The following STARD3 variants were observed in gnomAD, a reference collection of about 807,000 sequenced individuals.
STARD3 encodes the protein stAR-related lipid transfer protein 3.
STARD3 carries 39 observed loss-of-function variants against 62.0 expected under a neutral mutation model. The observed-to-expected ratio is 0.63, with a 90% CI of 0.49 to 0.82. The LOEUF (loss-of-function observed/expected upper bound fraction) is 0.82, where lower values mean the gene tolerates loss of function less well. STARD3 is among the 40% of genes least tolerant of loss of function. The pLI is 0.00. For synonymous variants in STARD3, 229 were observed against 242.4 expected, an observed-to-expected ratio of 0.94 and a Z score of 0.51; for missense variants, 543 against 584.5, an observed-to-expected ratio of 0.93 and a Z score of 0.73.
chr17:39,658,974 C>T, intron 7 of STARD3, 77 bp from the exon 8 acceptor site: 5 of 1,593,108 alleles, frequency 3.1e-6, no homozygotes, highest in South Asian at 2.2e-5. Context: ...TCCTTGCACT[C>T]ACATACCCGA....
At chr17:39,640,404 GAA>G (rs1330147130) in intron 1 of STARD3, among the ~76,000 whole-genome samples, 4 of 152,166 alleles carry the variant, frequency 2.6e-5, no homozygotes, top group African/African-American at 4.8e-5. Flanking sequence ...TGGGACAAAA[GAA>G]AAGTGTCCCT....
At chr17:39,662,367 G>A (rs2145054991) in intron 14 of STARD3, 23 bp downstream of exon 14, 2 of 1,609,730 alleles carry the variant, frequency 1.2e-6, no homozygotes, top group East Asian at 4.5e-5. Context: ...GGGGCTGCCA[G>A]GTGGGTTCTG....
intron 2 of STARD3, 112 bp downstream of exon 2, chr17:39,653,862 A>G: frequency 3.3e-6 from 4 of 1,215,484 alleles, no homozygotes; most frequent in East Asian, 2.5e-5. Flanking sequence ...TTAGCTGGGT[A>G]AAATGAAGAC....
At position 39,657,814 on chromosome 17, in the gene STARD3, T is replaced by C; in HGVS notation, c.337T>C (p.Tyr113His). Residue 113 changes from tyrosine to histidine, a missense_variant, in exon 4 of 15, where the codon TAT becomes CAT. By Grantham distance (83) the Tyr-to-His change is moderately conservative (BLOSUM62 2). Transcript: ENST00000336308. Reference protein sequence around the residue: ...FFRFSGLLLGYAVLRLRHWWV... With the variant: ...FFRFSGLLLGHAVLRLRHWWV... Reference sequence around the variant, plus strand: ...CCGCTTCTCTGGACTGCTCCTAGGCTATGCCGTGCTGCGGCTCCGGCACTG... The same window carrying C: ...CCGCTTCTCTGGACTGCTCCTAGGCCATGCCGTGCTGCGGCTCCGGCACTG... 6.2e-7 allele frequency: 1 copy of C among 1,614,218 alleles called. No individual in the cohort carries two copies. Among genetic ancestry groups the C allele is most frequent in the Non-Finnish European group, 8.5e-7 (1 of 1,180,032 alleles).
Position 39,662,803 on chromosome 17 carries a change from G to T in STARD3, c.1234-1G>T. ...TGTGACTTCTGCCTGCCTTCCCCCAGGGCCGCCTGCCCCGGTACCTCATCC... is the reference window on the plus strand; with the variant it reads ...TGTGACTTCTGCCTGCCTTCCCCCATGGCCGCCTGCCCCGGTACCTCATCC... On this transcript the variant is annotated splice_acceptor_variant, in intron 14 of 14. Transcript: ENST00000336308. LOFTEE classifies it high-confidence loss of function. 1 of 1,607,262 alleles carries T rather than the reference G, an allele frequency of 6.2e-7. No individual in the cohort carries two copies. The highest frequency in any genetic ancestry group is 8.5e-7 in the Non-Finnish European group (1 of 1,176,964).
At chr17:39,661,434 G>A (rs2057197051) in intron 13 of STARD3, 2 of 270,394 alleles carry the variant, frequency 7.4e-6, no homozygotes, top group South Asian at 1.1e-4. Flanking sequence ...CTATGCTCTG[G>A]GTTTCATCTT....
At chr17:39,642,085 G>T (rs2056987099) in intron 1 of STARD3, among the ~76,000 whole-genome samples, 1 of 152,236 alleles carries the variant, frequency 6.6e-6, no homozygotes, top group Non-Finnish European at 1.5e-5. Context: ...AAGGAAGGAG[G>T]TCATTCAAGA....
chr17:39,640,802 G>C (rs1013157683), intron 1 of STARD3, among the ~76,000 whole-genome samples: 1 of 150,792 alleles, frequency 6.6e-6, no homozygotes, highest in African/African-American at 2.4e-5. Flanking sequence ...CACTGCACCC[G>C]CAGAGCCTCC....
At chr17:39,642,502 A>G (rs970285177) in intron 1 of STARD3, among the ~76,000 whole-genome samples, 8 of 152,148 alleles carry the variant, frequency 5.3e-5, no homozygotes, top group African/African-American at 1.7e-4. Flanking sequence ...GTGCTGCTGT[A>G]GGGAAGGGTG....
intron 1 of STARD3, among the ~76,000 whole-genome samples, chr17:39,637,723 C>G (rs540518293): frequency 1.2e-4 from 19 of 152,234 alleles, no homozygotes; most frequent in African/African-American, 4.6e-4. Context: ...GTGCATAGTA[C>G]CATTGACACT....
rs371137052 is a variant in STARD3, at chr17:39,662,929, C to T, written c.*21C>T. ...CGTGACTGTGCCCCCTCCCACCCTG[C>T]GGGCCAGGGTCCTGTCGCCACCACT... is the stretch of plus-strand genomic sequence containing the variant. On this transcript the variant is annotated 3_prime_UTR_variant, in exon 15 of 15. Coordinates refer to ENST00000336308, the MANE Select transcript of STARD3 (RefSeq NM_006804.4). The T allele has an allele frequency of 5.5e-5, 88 of 1,596,570 alleles. No individual in the cohort carries two copies. Among genetic ancestry groups the T allele is most frequent in the Admixed American group, 1.0e-4 (6 of 58,670 alleles).
In STARD3 at chr17:39,662,318, G is replaced by A. The variant is rs1025898277; in HGVS notation, c.1207G>A (p.Val403Ile). The A allele has an allele frequency of 1.2e-6, 2 of 1,613,930 alleles. No homozygotes were observed. Among genetic ancestry groups the A allele is most frequent in the African/African-American group, 2.7e-5 (2 of 74,898 alleles). ...CAGTAACCCCCGTGTTTGCACCTTT[G>A]TCTGGATTCTTAATACAGATCTCAA... The part of the protein sequence containing the change: ...SASNPRVCTF[V>I]WILNTDLKGR... The change falls in exon 14 of 15, where the codon GTC becomes ATC. Residue 403 changes from valine (V) to isoleucine (I), a missense_variant. Physicochemically the swap from Val to Ile is conservative, Grantham distance 29. Coordinates refer to ENST00000336308, the MANE Select transcript of STARD3 (RefSeq NM_006804.4).
At chr17:39,650,297 G>A (rs189826960) in intron 1 of STARD3, among the ~76,000 whole-genome samples, 18 of 152,266 alleles carry the variant, frequency 1.2e-4, no homozygotes, top group South Asian at 6.2e-4. Context: ...ACCGGTCGGC[G>A]TTTGTGGCTA....
chr17:39,656,903 C>G, intron 2 of STARD3, 105 bp from the exon 3 acceptor site: 1 of 1,108,618 alleles, frequency 9.0e-7, no homozygotes, highest in Non-Finnish European at 1.3e-6. Flanking sequence ...AACAGCCTCC[C>G]CTCCAGGTTC....
intron 2 of STARD3, among the ~76,000 whole-genome samples, chr17:39,654,522 C>G (rs1327579606): frequency 6.6e-6 from 1 of 152,014 alleles, no homozygotes; most frequent in Non-Finnish European, 1.5e-5. Flanking sequence ...TGCCCCACCC[C>G]CACCCCACGC....
rs1405960146 is a variant in STARD3, at chr17:39,659,243, C to G, written c.702+137C>G. ...GGCAATGCCCATCCGAGTGTCTCCC[C>G]CACCACCAGTCCGGCCCCCCTGGTC... On this transcript the variant is annotated intron_variant, in intron 8 of 14. Coordinates refer to ENST00000336308, the MANE Select transcript of STARD3 (RefSeq NM_006804.4). 7.6e-6 allele frequency: 9 copies of G among 1,188,194 alleles called. No homozygotes were observed. In the East Asian group the frequency reaches 1.9e-4, roughly 25 times the overall value. The allele number at this position is 1,188,194 out of a possible 1,614,324, so 73.6% of individuals were successfully genotyped here.
At chr17:39,657,661 G>A in intron 3 of STARD3, 114 bp from the exon 4 acceptor site, 3 of 1,068,150 alleles carry the variant, frequency 2.8e-6, no homozygotes, top group South Asian at 2.7e-5. Context: ...TGTCCCCTGA[G>A]GTGTGCATGC....
intron 13 of STARD3, among the ~76,000 whole-genome samples, chr17:39,661,705 C>A (rs1014744175): frequency 2.0e-5 from 3 of 152,212 alleles, no homozygotes; most frequent in Non-Finnish European, 4.4e-5. Flanking sequence ...ATGCCAGGCT[C>A]TGCTTTGGGC....
chr17:39,643,674 C>G (rs2056999955), intron 1 of STARD3, among the ~76,000 whole-genome samples: 1 of 152,176 alleles, frequency 6.6e-6, no homozygotes, highest in African/African-American at 2.4e-5. Context: ...TCTGTGGAGT[C>G]TCCATTAACT....
Sources: allele counts gnomAD v4.1 joint callset (sites outside exome capture counted in the v4.1 genomes callset), GRCh38; gene constraint gnomAD v4.1.1; transcripts MANE v1.5; gene names NCBI Gene and HGNC (gene_info 2026-07-23, HGNC 2026-07-21).